The following FANK1 variants were observed in gnomAD, a reference collection of about 807,000 sequenced individuals.
FANK1 encodes the protein fibronectin type III and ankyrin repeat domains 1, also known as fibronectin type 3 and ankyrin repeat domains protein 1.
In FANK1, 44 loss-of-function variants were observed where a neutral mutation model predicts 45.3. The observed-to-expected ratio is 0.97, with a 90% CI of 0.76 to 1.25. FANK1 has a LOEUF of 1.25. Among genes scored for constraint, FANK1 ranks in the 50% most tolerant of loss-of-function variants. The pLI is 0.00. For synonymous variants in FANK1, 149 were observed against 152.5 expected (o/e 0.98, Z 0.17); for missense variants, 391 against 424.4 (o/e 0.92, Z 0.69).
chr10:125,934,775 A>G lies in FANK1; in HGVS notation c.13+38120A>G, dbSNP rs866618581. On this transcript the variant is annotated intron_variant, in intron 1 of 10. Transcript: ENST00000368693. ...TTTTTTTTTTTTGCAAATCACGAAG[A>G]GAAAGACAGTTGGAATGTGGCAGAA... 4.3e-4 allele frequency among the ~76,000 whole-genome samples: 57 copies of G among 131,730 alleles called. No individual in the cohort carries two copies. In the Middle Eastern group the frequency reaches 0.017, roughly 39 times the overall value. The allele number at this position is 131,730 out of a possible 152,430, so 86.4% of individuals were successfully genotyped here.
At chr10:126,008,354 C>T in intron 7 of FANK1, 53 bp from the exon 8 acceptor site, 1 of 1,520,314 alleles carries the variant, frequency 6.6e-7, no homozygotes, top group Admixed American at 2.3e-5. Flanking sequence ...AAGTTTGAAT[C>T]ATTTTAAGAA....
chr10:125,937,624 G>C (rs111293289), intron 1 of FANK1, among the ~76,000 whole-genome samples: 3 of 152,126 alleles, frequency 2.0e-5, no homozygotes, highest in African/African-American at 7.2e-5. Context: ...AAAATAAATA[G>C]GATGATCTCA....
At chr10:125,955,543 C>T (rs549428786) in intron 1 of FANK1, among the ~76,000 whole-genome samples, 20 of 152,154 alleles carry the variant, frequency 1.3e-4, no homozygotes, top group Non-Finnish European at 2.5e-4. Context: ...TGCAGTGGTG[C>T]GATCATGACT....
intron 1 of FANK1, among the ~76,000 whole-genome samples, chr10:125,977,979 G>A (rs1950956500): frequency 6.6e-6 from 1 of 152,194 alleles, no homozygotes; most frequent in Non-Finnish European, 1.5e-5. Flanking sequence ...TTGCTGAGTT[G>A]GTACTGGCTC....
intron 1 of FANK1, among the ~76,000 whole-genome samples, chr10:125,960,815 G>A (rs138837989): frequency 0.015 from 2,249 of 152,110 alleles, 35 homozygotes; most frequent in Non-Finnish European, 0.022. Context: ...GATTACAGGC[G>A]TGAGCCACTG....
At chr10:125,996,335 C>G (rs1952325378) in intron 4 of FANK1, among the ~76,000 whole-genome samples, 1 of 152,204 alleles carries the variant, frequency 6.6e-6, no homozygotes, top group African/African-American at 2.4e-5. Context: ...TCAATTTTCT[C>G]TTTTATGATA....
At chr10:125,962,860 C>A (rs150942379) in intron 1 of FANK1, among the ~76,000 whole-genome samples, 4 of 151,834 alleles carry the variant, frequency 2.6e-5, no homozygotes, top group African/African-American at 9.7e-5. Flanking sequence ...TTATAAAGTA[C>A]AAATATATTT....
chr10:125,995,508 C>G lies in FANK1; in HGVS notation c.398+10C>G. The G allele has an allele frequency of 6.2e-7, 1 of 1,613,588 alleles. No individual in the cohort carries two copies. Among genetic ancestry groups the G allele is most frequent in the Non-Finnish European group, 8.5e-7 (1 of 1,179,588 alleles). On this transcript the variant is annotated intron_variant, in intron 4 of 10. Coordinates refer to ENST00000368693, the MANE Select transcript of FANK1 (RefSeq NM_145235.5). ...GAATACTTCAAGGAGGGTGAGAGAA[C>G]TCTGTCAGTTGTTTTTTTTCCCCCA...
chr10:125,922,793 G>T (rs1315014788), intron 1 of FANK1, among the ~76,000 whole-genome samples: 1 of 152,148 alleles, frequency 6.6e-6, no homozygotes, highest in African/African-American at 2.4e-5. Flanking sequence ...AGGATTATAG[G>T]CATGACCACC....
intron 3 of FANK1, among the ~76,000 whole-genome samples, chr10:125,992,781 G>C (rs1952035354): frequency 6.6e-6 from 1 of 151,436 alleles, no homozygotes; most frequent in South Asian, 2.1e-4. Flanking sequence ...GGTGTAGAGA[G>C]GTGGTTGGGG....
intron 1 of FANK1, among the ~76,000 whole-genome samples, chr10:125,965,860 TA>T (rs1259444236): frequency 2.0e-5 from 3 of 152,238 alleles, no homozygotes; most frequent in Admixed American, 1.3e-4. Flanking sequence ...TCCTTGTAGT[TA>T]AAAGTGTGAA....
chr10:125,975,641 GGTT>G (rs1373151768), intron 1 of FANK1, among the ~76,000 whole-genome samples: 2 of 152,094 alleles, frequency 1.3e-5, no homozygotes, highest in South Asian at 2.1e-4. Context: ...TTTTTAATGG[GGTT>G]GTTTATTTTT....
intron 2 of FANK1, among the ~76,000 whole-genome samples, chr10:125,986,945 A>G (rs1160414687): frequency 6.6e-6 from 1 of 152,168 alleles, no homozygotes; most frequent in African/African-American, 2.4e-5. Context: ...CTCATCCTTT[A>G]GGAGAAAGAA....
At chr10:125,924,228 T>G (rs1464300316) in intron 1 of FANK1, among the ~76,000 whole-genome samples, 1 of 152,212 alleles carries the variant, frequency 6.6e-6, no homozygotes, top group African/African-American at 2.4e-5. Flanking sequence ...AACTTGTTCT[T>G]TGTCTGATTT....
intron 6 of FANK1, among the ~76,000 whole-genome samples, chr10:125,999,590 T>C (rs1433067094): frequency 6.6e-6 from 1 of 152,158 alleles, no homozygotes; most frequent in African/African-American, 2.4e-5. Context: ...ATTCTTAGTA[T>C]TGGCAAATTC....
chr10:126,002,608 G>A (rs2134227535), intron 6 of FANK1, among the ~76,000 whole-genome samples: 1 of 152,230 alleles, frequency 6.6e-6, no homozygotes, highest in Admixed American at 6.5e-5. Flanking sequence ...CAGAGGCTTT[G>A]CACGTTTCCC....
chr10:125,928,147 T>C (rs959512610), intron 1 of FANK1, among the ~76,000 whole-genome samples: 1 of 151,906 alleles, frequency 6.6e-6, no homozygotes, highest in Non-Finnish European at 1.5e-5. Flanking sequence ...ATTAAGAAAG[T>C]AGAAGAATAA....
At chr10:125,939,329 T>C (rs772669164) in intron 1 of FANK1, among the ~76,000 whole-genome samples, 16 of 152,328 alleles carry the variant, frequency 1.1e-4, no homozygotes, top group Non-Finnish European at 2.1e-4. Flanking sequence ...GAATATGGAC[T>C]ACATATTCGA....
At chr10:126,005,402 GGTTC>G (rs1953118889) in intron 7 of FANK1, among the ~76,000 whole-genome samples, 4 of 151,558 alleles carry the variant, frequency 2.6e-5, no homozygotes, top group African/African-American at 9.7e-5. Context: ...CCGCCTCCCA[GGTTC>G]AAGCGATTCT....
Sources: allele counts gnomAD v4.1 joint callset (sites outside exome capture counted in the v4.1 genomes callset), GRCh38; gene constraint gnomAD v4.1.1; transcripts MANE v1.5; gene names NCBI Gene and HGNC (gene_info 2026-07-23, HGNC 2026-07-21).